The following PCSK6 variants were observed in gnomAD, a reference collection of about 807,000 sequenced individuals.
PCSK6 encodes the protein proprotein convertase subtilisin/kexin type 6.
In PCSK6, 85 loss-of-function variants were observed where a neutral mutation model predicts 123.3. The ratio of observed to expected loss-of-function variants is 0.69; its 90% CI spans 0.58 to 0.83. The LOEUF is 0.83. Among genes scored for constraint, PCSK6 ranks in the 40% least tolerant of loss-of-function variants. The pLI, the probability that PCSK6 is intolerant of heterozygous loss-of-function variation, is 0.00. For synonymous variants in PCSK6, 508 were observed against 516.0 expected (o/e 0.98, Z 0.21); for missense variants, 1,191 against 1,282.3 (o/e 0.93, Z 1.09).
At chr15:101,379,506 G>T (rs770130270) in intron 11 of PCSK6, among the ~76,000 whole-genome samples, 1 of 152,178 alleles carries the variant, frequency 6.6e-6, no homozygotes, top group African/African-American at 2.4e-5. Flanking sequence ...GGATGCACAC[G>T]AGAGGGGTGT....
At chr15:101,326,526 A>G (rs769064497) in intron 15 of PCSK6, 47 bp from the exon 16 acceptor site, 42 of 1,495,604 alleles carry the variant, frequency 2.8e-5, no homozygotes, top group Admixed American at 2.2e-4. Flanking sequence ...CGCCTTCTCC[A>G]TCTACTGCAG....
intron 6 of PCSK6, among the ~76,000 whole-genome samples, chr15:101,403,608 A>G (rs1202045342): frequency 6.6e-6 from 1 of 152,204 alleles, no homozygotes; most frequent in Non-Finnish European, 1.5e-5. Flanking sequence ...TGCAAGAACA[A>G]GAACGTGACC....
In PCSK6 at chr15:101,403,789, G is replaced by A. The variant is rs545287131; in HGVS notation, c.824-5213C>T. Among the ~76,000 whole-genome samples the A allele has an allele frequency of 4.3e-4, 65 of 152,108 alleles. 1 individual carries two copies. The highest frequency in any genetic ancestry group is 1.4e-3 in the African/African-American group (60 of 41,476). On this transcript the variant is annotated intron_variant, in intron 6 of 21. Coordinates refer to ENST00000611716, the MANE Select transcript of PCSK6 (RefSeq NM_002570.5). ...GGTTGGAGGACAGTGGCGCCATTTC[G>A]GCTCACTGCAACCTCCGCCTCCCGG...
At position 101,465,969 on chromosome 15, in the gene PCSK6, C is replaced by T. The variant is rs145855783; in HGVS notation, c.298-22309G>A. 5.8e-3 allele frequency among the ~76,000 whole-genome samples: 875 copies of T among 152,154 alleles called. 10 individuals carry two copies. Among genetic ancestry groups the T allele is most frequent in the African/African-American group, 0.02 (832 of 41,504 alleles). ...GTAACAAACAGAAAAGTTACAAACA[C>T]GGTAGATACTGATCCAACAACGCCA... is the stretch of plus-strand genomic sequence containing the variant. On this transcript the variant is annotated intron_variant, in intron 1 of 21. Coordinates refer to ENST00000611716, the MANE Select transcript of PCSK6 (RefSeq NM_002570.5).
intron 19 of PCSK6, chr15:101,313,791 C>A (rs1054181417): frequency 2.8e-6 from 1 of 363,558 alleles, no homozygotes; most frequent in Non-Finnish European, 5.0e-6. Context: ...CTGTTTCCAA[C>A]AGGCCTAGGC....
At chr15:101,353,291 G>T (rs1178383428) in intron 13 of PCSK6, among the ~76,000 whole-genome samples, 1 of 152,280 alleles carries the variant, frequency 6.6e-6, no homozygotes, top group South Asian at 2.1e-4. Flanking sequence ...AATGGGGTTC[G>T]CACTCCTATG....
chr15:101,441,828 G>A (rs2056761681), intron 2 of PCSK6, among the ~76,000 whole-genome samples: 1 of 152,214 alleles, frequency 6.6e-6, no homozygotes. Context: ...GTTGAAGAAT[G>A]AGGATGTTTC....
Position 101,326,471 on chromosome 15 carries a change from G to A in PCSK6, c.2086C>T (p.His696Tyr), listed in dbSNP as rs766266385. The A allele has an allele frequency of 6.3e-7, 1 of 1,578,716 alleles. No individual in the cohort carries two copies. Among genetic ancestry groups the A allele is most frequent in the South Asian group, 1.2e-5 (1 of 85,798 alleles). Residue 696 changes from histidine to tyrosine, a missense_variant, in exon 16 of 22, where the codon CAT becomes TAT. By Grantham distance (83) the His-to-Tyr change is moderately conservative. Transcript: ENST00000611716. ...SANILQTSVC[H>Y]PECGDKGCDG... The stretch of plus-strand genomic sequence containing the variant: ...CAGCCTTTGTCACCACACTCCGGAT[G>A]GCACACACCTTAAAGAAACAAGCAT...
At chr15:101,411,499 A>G (rs1322708098) in intron 6 of PCSK6, among the ~76,000 whole-genome samples, 1 of 152,158 alleles carries the variant, frequency 6.6e-6, no homozygotes, top group Non-Finnish European at 1.5e-5. Context: ...ACAACCACCC[A>G]CAGCCACATG....
chr15:101,451,561 A>C (rs375348456), intron 1 of PCSK6, among the ~76,000 whole-genome samples: 8 of 152,146 alleles, frequency 5.3e-5, no homozygotes, highest in Non-Finnish European at 8.8e-5. Flanking sequence ...ACTTTGCAAA[A>C]AAAAACTGTA....
chr15:101,396,850 C>T (rs927971853), intron 7 of PCSK6, among the ~76,000 whole-genome samples: 2 of 152,060 alleles, frequency 1.3e-5, no homozygotes, highest in African/African-American at 4.8e-5. Context: ...CTACACCGCC[C>T]CTCTTCCTTA....
intron 13 of PCSK6, among the ~76,000 whole-genome samples, chr15:101,342,231 C>T (rs117333825): frequency 6.8e-6 from 1 of 148,030 alleles, no homozygotes; most frequent in Non-Finnish European, 1.5e-5. Context: ...AAATATACAA[C>T]ACCATTACAG....
chr15:101,377,668 G>A (rs761534600), intron 11 of PCSK6, among the ~76,000 whole-genome samples: 3 of 152,162 alleles, frequency 2.0e-5, no homozygotes, highest in Admixed American at 2.0e-4. Context: ...ACCGCCATAC[G>A]CAGTCTAGTT....
chr15:101,430,189 T>C (rs2056403263), intron 4 of PCSK6, 126 bp from the exon 5 acceptor site: 1 of 705,612 alleles, frequency 1.4e-6, no homozygotes, highest in Admixed American at 2.2e-5. Flanking sequence ...ATAGCTATAA[T>C]CTCATATACG....
intron 8 of PCSK6, among the ~76,000 whole-genome samples, chr15:101,391,213 T>G (rs1191218650): frequency 6.6e-6 from 1 of 152,204 alleles, no homozygotes; most frequent in Non-Finnish European, 1.5e-5. Context: ...GACTCCAGCA[T>G]CTTCATATGC....
chr15:101,366,379 T>G, intron 12 of PCSK6, 47 bp from the exon 13 acceptor site: 1 of 1,575,052 alleles, frequency 6.3e-7, no homozygotes, highest in Non-Finnish European at 8.6e-7. Context: ...TGGTACTGAG[T>G]GGCTGGGCGG....
At chr15:101,486,649 T>C (rs1224355659) in intron 1 of PCSK6, among the ~76,000 whole-genome samples, 2 of 152,164 alleles carry the variant, frequency 1.3e-5, no homozygotes, top group Non-Finnish European at 1.5e-5. Context: ...TATCAGGTGC[T>C]GAAAGGGAGC....
At chr15:101,376,806 G>A (rs988718070) in intron 11 of PCSK6, among the ~76,000 whole-genome samples, 6 of 152,224 alleles carry the variant, frequency 3.9e-5, no homozygotes, top group African/African-American at 1.4e-4. Flanking sequence ...GTCCACTGTG[G>A]TTACCCCCAG....
At chr15:101,361,164 C>CTT (rs754933946) in intron 13 of PCSK6, among the ~76,000 whole-genome samples, 979 of 80,682 alleles carry the variant, frequency 0.012, 10 homozygotes, top group African/African-American at 0.035. Context: ...CTTTCTCTCT[C>CTT]TTTTTTTTTT....
Sources: allele counts gnomAD v4.1 joint callset (sites outside exome capture counted in the v4.1 genomes callset), GRCh38; gene constraint gnomAD v4.1.1; transcripts MANE v1.5; gene names NCBI Gene and HGNC (gene_info 2026-07-23, HGNC 2026-07-21).